Variants in KIF21B observed in about 807,000 individuals in gnomAD.
KIF21B encodes the protein kinesin-like protein KIF21B.
In KIF21B, 85 loss-of-function variants were observed where a neutral mutation model predicts 192.9. The observed-to-expected ratio is 0.44, with a 90% CI of 0.37 to 0.53. The LOEUF is 0.53. Ranked by LOEUF, KIF21B falls within the 20% of genes least tolerant of loss-of-function variation. The probability of loss-of-function intolerance (pLI) is 0.00; values close to 1 mark genes in which losing one functional copy is unlikely to be tolerated. For synonymous variants in KIF21B, 832 were observed against 884.6 expected, an observed-to-expected ratio of 0.94 and a Z score of 1.05; for missense variants, 1,716 against 2,194.8, an observed-to-expected ratio of 0.78 and a Z score of 4.36.
At position 201,002,360 on chromosome 1, in the gene KIF21B, G is replaced by C; in HGVS notation, c.1213-10C>G. On this transcript the variant is annotated splice_polypyrimidine_tract_variant and intron_variant, in intron 8 of 34. Coordinates refer to ENST00000461742, the MANE Select transcript of KIF21B (RefSeq NM_001252102.2). ...CTATCACTCGCTTGCCCTGGGAGCAGGGGCAAAGGGGAGCAGTCAGGCAGC... is the reference window on the plus strand; with the variant it reads ...CTATCACTCGCTTGCCCTGGGAGCACGGGCAAAGGGGAGCAGTCAGGCAGC... The C allele has an allele frequency of 1.2e-6, 2 of 1,606,714 alleles. No individual in the cohort carries two copies. Among genetic ancestry groups the C allele is most frequent in the African/African-American group, 1.3e-5 (1 of 74,902 alleles).
At position 201,004,921 on chromosome 1, in the gene KIF21B, C is replaced by A. The variant is rs769636295; in HGVS notation, c.745G>T (p.Val249Leu). ...GGTGTACCATCAGGAAGCCCAGTCA[C>A]CGCCTCATTCACCTGCAGCAGAAGT... ...CTQPDLVNEA[V>L]TGLPDGTPPS... Residue 249 changes from valine (V) to leucine (L), a missense_variant, in exon 6 of 35, where the codon GTG (valine) becomes TTG (leucine). Val to Leu is a conservative substitution (Grantham distance 32). Around this residue, in one of 3 missense-constraint regions of KIF21B, gnomAD observed 1,087 missense variants for 1,316.6 expected, o/e 0.83. Transcript: ENST00000461742. 6 of 1,607,098 alleles carry A rather than the reference C, an allele frequency of 3.7e-6. No individual in the cohort carries two copies. The highest frequency in any genetic ancestry group is 5.1e-6 in the Non-Finnish European group (6 of 1,174,280).
At chr1:200,995,568 A>T (rs1488128035) in intron 15 of KIF21B, among the ~76,000 whole-genome samples, 1 of 152,228 alleles carries the variant, frequency 6.6e-6, no homozygotes, top group Non-Finnish European at 1.5e-5. Context: ...CAAAGTAGAA[A>T]AGGGAGGCAT....
At position 200,990,400 on chromosome 1, in the gene KIF21B, C is replaced by G; in HGVS notation, c.2836-68G>C. The G allele has an allele frequency of 5.3e-6, 8 of 1,507,212 alleles. No individual in the cohort carries two copies. The highest frequency in any genetic ancestry group is 3.7e-5 in the South Asian group (3 of 80,942). 93.4% of individuals were successfully genotyped at this position (1,507,212 alleles called of 1,614,324 possible). On this transcript the variant is annotated intron_variant, in intron 19 of 34. Coordinates refer to ENST00000461742, the MANE Select transcript of KIF21B (RefSeq NM_001252102.2). This position sits in a 1 kb window ranked among gnomAD's most constrained non-coding sequence, Gnocchi z 5.4. ...CCTCAGGTAGCTGCCAAGCCCTGCCCATAGCTTCCACCACAGGCTGGCCTG... is the reference window on the plus strand; with the variant it reads ...CCTCAGGTAGCTGCCAAGCCCTGCCGATAGCTTCCACCACAGGCTGGCCTG...
chr1:201,003,833 G>A (rs1389093036), intron 7 of KIF21B, 52 bp from the exon 8 acceptor site: 7 of 1,583,690 alleles, frequency 4.4e-6, no homozygotes, highest in Non-Finnish European at 6.1e-6. Context: ...CCAGCCCCCA[G>A]AAGCATTGCC....
In KIF21B at chr1:200,990,640, AT is replaced by A; in HGVS notation, c.2770del (p.Ile924LeufsTer8). 1 of 1,614,166 alleles carries A rather than the reference AT, an allele frequency of 6.2e-7. No homozygotes were observed. Among genetic ancestry groups the A allele is most frequent in the Non-Finnish European group, 8.5e-7 (1 of 1,180,022 alleles). ...LKWQSLERRIIDIVMQRMTIV... is the reference protein window; with the variant it reads ...LKWQSLERRIXDIVMQRMTIV... ...GGTCATTCTCTGCATGACGATGTCA[AT>A]GATCCGTCGCTCCAGGGACTGCCAC... On this transcript the variant is annotated frameshift_variant, in exon 19 of 35. Coordinates refer to ENST00000461742, the MANE Select transcript of KIF21B (RefSeq NM_001252102.2). LOFTEE classifies it high-confidence loss of function. This position sits in a 1 kb window ranked among gnomAD's most constrained non-coding sequence, Gnocchi z 5.4.
chr1:200,988,610 AT>A (rs1448229934), intron 22 of KIF21B, 66 bp from the exon 23 acceptor site: 4 of 1,442,566 alleles, frequency 2.8e-6, no homozygotes, highest in Non-Finnish European at 3.8e-6. Flanking sequence ...GGGAGGGATG[AT>A]GGTCTCCCTC....
chr1:200,977,503 CAG>C, intron 30 of KIF21B, 127 bp from the exon 31 acceptor site: 1 of 1,138,614 alleles, frequency 8.8e-7, no homozygotes, highest in Admixed American at 2.5e-5. Flanking sequence ...CCTTGACTGA[CAG>C]AGAAGAGCAA....
intron 31 of KIF21B, 68 bp downstream of exon 31, chr1:200,977,143 CT>C (rs1655611003): frequency 6.5e-7 from 1 of 1,547,698 alleles, no homozygotes; most frequent in East Asian, 2.3e-5. Flanking sequence ...GTGGGTCCCC[CT>C]GAACCAAGAC....
At position 200,981,345 on chromosome 1, in the gene KIF21B, C is replaced by T. The variant is rs190023135; in HGVS notation, c.3843-249G>A. ...CTGAGCACTTCTGGGGAAGCAAACC[C>T]GGTGTTAGGCACAGCTAGAAGGTGC... On this transcript the variant is annotated intron_variant, in intron 28 of 34. Coordinates refer to ENST00000461742, the MANE Select transcript of KIF21B (RefSeq NM_001252102.2). 1.6e-4 allele frequency among the ~76,000 whole-genome samples: 24 copies of T among 152,322 alleles called. No individual in the cohort carries two copies. The East Asian group carries it at 3.5e-3, about 22-fold the overall frequency.
In KIF21B at chr1:200,998,361, GA is replaced by G; in HGVS notation, c.2077+22del. ...GAAAAGGGAGGGTCCGGATGGGGTG[GA>G]GGGGCATGGCGGTGGCCTCACTGAG... On this transcript the variant is annotated intron_variant, in intron 14 of 34. Coordinates refer to ENST00000461742, the MANE Select transcript of KIF21B (RefSeq NM_001252102.2). The surrounding 1 kb of genome is among the most constrained non-coding windows in gnomAD (Gnocchi z 4.3). 1.3e-6 allele frequency: 2 copies of G among 1,598,536 alleles called. No individual in the cohort carries two copies. Among genetic ancestry groups the G allele is most frequent in the African/African-American group, 1.3e-5 (1 of 74,768 alleles).
At chr1:200,979,504 G>C (rs372264101) in intron 30 of KIF21B, 31 bp downstream of exon 30, 1 of 1,493,222 alleles carries the variant, frequency 6.7e-7, no homozygotes, top group Non-Finnish European at 9.0e-7. Flanking sequence ...TGCTGCAGCC[G>C]ACCACTGTGA....
Position 201,005,709 on chromosome 1 carries a change from A to G in KIF21B, c.448-15T>C. On this transcript the variant is annotated splice_polypyrimidine_tract_variant and intron_variant, in intron 3 of 34. Coordinates refer to ENST00000461742, the MANE Select transcript of KIF21B (RefSeq NM_001252102.2). ...TCGTTGTAGAGCTGTGCAGGAAGGA[A>G]ACAGCTGAATTCATAGGGCATTCAC... The G allele has an allele frequency of 1.2e-6, 2 of 1,612,242 alleles. No homozygotes were observed. Among genetic ancestry groups the G allele is most frequent in the South Asian group, 2.2e-5 (2 of 91,004 alleles).
intron 15 of KIF21B, among the ~76,000 whole-genome samples, chr1:200,995,165 C>T (rs1250932186): frequency 6.6e-6 from 1 of 152,234 alleles, no homozygotes; most frequent in Non-Finnish European, 1.5e-5. Context: ...ACTGCATTGC[C>T]TCTCTCCTCT....
rs199846406 is a variant in KIF21B at position 200,973,806 on chromosome 1, C to CT, written c.4815-229dup. On this transcript the variant is annotated intron_variant, in intron 34 of 34. Transcript: ENST00000461742. ...CCAGGGGAGCTTTGTCATGGGTTTT[C>CT]TTTTTTTGGGGGGGTGTTTCGTTTT... 5.1e-3 allele frequency: 7,279 copies of CT among 1,432,312 alleles called. 32 individuals are homozygous for CT. Among genetic ancestry groups the CT allele is most frequent in the Middle Eastern group, 0.018 (72 of 4,002 alleles). 88.7% of individuals were successfully genotyped at this position (1,432,312 alleles called of 1,614,324 possible).
At chr1:201,011,226 C>T (rs1658215569) in intron 1 of KIF21B, among the ~76,000 whole-genome samples, 2 of 152,246 alleles carry the variant, frequency 1.3e-5, no homozygotes, top group Admixed American at 1.3e-4. Context: ...TCAGGGTCAG[C>T]AAGGCTCCTA....
In KIF21B at chr1:200,973,215, G is replaced by T. The variant is rs1655313151; in HGVS notation, c.*306C>A. 9.2e-6 allele frequency: 3 copies of T among 327,840 alleles called. No homozygotes were observed. Among genetic ancestry groups the T allele is most frequent in the South Asian group, 1.2e-4 (1 of 8,572 alleles). 20.3% of individuals were successfully genotyped at this position (327,840 alleles called of 1,614,324 possible). On this transcript the variant is annotated 3_prime_UTR_variant, in exon 35 of 35. Transcript: ENST00000461742. The stretch of plus-strand genomic sequence containing the variant: ...GCCAAAGGCCTGAGAAAGGGGCAGA[G>T]CCGGTTCAGCAGGAGACAATGTGGC...
intron 6 of KIF21B, 125 bp downstream of exon 6, chr1:201,004,641 G>T: frequency 7.7e-7 from 1 of 1,293,232 alleles, no homozygotes; most frequent in Non-Finnish European, 1.1e-6. Context: ...GGTGACGCCT[G>T]AGAGTGAAGG....
intron 34 of KIF21B, 76 bp downstream of exon 34, chr1:200,974,638 G>A: frequency 3.4e-6 from 5 of 1,491,074 alleles, no homozygotes; most frequent in Non-Finnish European, 4.6e-6. Context: ...GCAGGGCCCT[G>A]AGCCTCCCAG....
At chr1:200,996,439 G>C (rs1209244419) in intron 14 of KIF21B, 44 bp from the exon 15 acceptor site, 6 of 1,561,778 alleles carry the variant, frequency 3.8e-6, no homozygotes, top group Non-Finnish European at 5.3e-6. Flanking sequence ...GTCCCTAAGG[G>C]CTCCCACTAA....
Sources: allele counts gnomAD v4.1 joint callset (sites outside exome capture counted in the v4.1 genomes callset), GRCh38; gene constraint gnomAD v4.1.1; regional missense constraint gnomAD v4.1.1; non-coding constraint Gnocchi (gnomAD v3.1); transcripts MANE v1.5; gene names NCBI Gene and HGNC (gene_info 2026-07-23, HGNC 2026-07-21).